The following CCNH variants were observed in gnomAD, a reference collection of about 807,000 sequenced individuals.
CCNH encodes the protein cyclin H, also known as cyclin-H.
In CCNH, 31 loss-of-function variants were observed where a neutral mutation model predicts 41.9. The observed-to-expected ratio is 0.74, with a 90% CI of 0.56 to 1.00. The LOEUF (loss-of-function observed/expected upper bound fraction) is 1.00, where lower values mean the gene tolerates loss of function less well. Ranked by LOEUF, CCNH falls within the 50% of genes least tolerant of loss-of-function variation. The probability of loss-of-function intolerance (pLI) is 0.00; values close to 1 mark genes in which losing one functional copy is unlikely to be tolerated. For missense variants in CCNH, 362 were observed against 388.4 expected (o/e 0.93, Z 0.57); for synonymous variants, 138 against 136.1 (o/e 1.01, Z -0.10).
chr5:87,385,261 T>C lies in CCNH; in HGVS notation c.*90+7509A>G, dbSNP rs148336847. The C allele has an allele frequency of 1.3e-4, 172 of 1,280,564 alleles. 2 individuals carry two copies. The African/African-American group carries it at 2.1e-3, about 16-fold the overall frequency. The allele number at this position is 1,280,564 out of a possible 1,614,324, so 79.3% of individuals were successfully genotyped here. A position where few individuals can be genotyped will look rare whatever the true frequency, so the allele number is the denominator to read the frequency against. ...TATAATGGTTTAGCTGGAAGTGCTG[T>C]TGGACTTGGTGTCATTAGCTGTGCC... On this transcript the variant is annotated intron_variant and NMD_transcript_variant, in intron 9 of 9. Transcript: ENST00000645953.
chr5:87,314,046 G>A (rs1756128046), downstream of CCNH, among the ~76,000 whole-genome samples: 1 of 152,200 alleles, frequency 6.6e-6, no homozygotes, highest in Admixed American at 6.5e-5. Flanking sequence ...GCACATGCCT[G>A]TAATCCCAGC....
Position 87,399,350 on chromosome 5 carries a change from G to C in CCNH, c.872+44C>G, listed in dbSNP as rs565098389. The C allele has an allele frequency of 7.0e-4, 950 of 1,361,732 alleles. 18 individuals are homozygous for C. The South Asian group carries it at 0.01, about 15-fold the overall frequency. The allele number at this position is 1,361,732 out of a possible 1,614,324, so 84.4% of individuals were successfully genotyped here. A position where few individuals can be genotyped will look rare whatever the true frequency, so the allele number is the denominator to read the frequency against. On this transcript the variant is annotated intron_variant, in intron 7 of 8. Coordinates refer to ENST00000256897, the MANE Select transcript of CCNH (RefSeq NM_001239.4). ...AATGATTTACGAACCAGCTGGACTG[G>C]ATAACAGTTATGTCTATTGATTAAC...
At chr5:87,365,012 A>G (rs987147736) in intron 9 of CCNH, among the ~76,000 whole-genome samples, 1 of 152,164 alleles carries the variant, frequency 6.6e-6, no homozygotes. Context: ...TCACTACTAA[A>G]TGTAGTTTAT....
intron 9 of CCNH, chr5:87,363,279 CTAATTT>C (rs1760253128): frequency 7.4e-7 from 1 of 1,345,980 alleles, no homozygotes; most frequent in African/African-American, 1.5e-5. Context: ...TTTAGAAACA[CTAATTT>C]TAATAATATG....
chr5:87,389,433 C>T (rs773025020), downstream of CCNH: 56 of 1,614,000 alleles, frequency 3.5e-5, no homozygotes, highest in African/African-American at 1.3e-4. Context: ...CATTCTAGAA[C>T]GGACCTGTCC....
intron 9 of CCNH, among the ~76,000 whole-genome samples, chr5:87,354,804 G>C (rs1396421441): frequency 6.6e-6 from 1 of 152,184 alleles, no homozygotes; most frequent in East Asian, 1.9e-4. Context: ...GAAATTGAAA[G>C]TGCTACTCCA....
At chr5:87,338,147 AT>A in intron 9 of CCNH, 1 of 1,605,758 alleles carries the variant, frequency 6.2e-7, no homozygotes, top group Non-Finnish European at 8.5e-7. Flanking sequence ...ATAAATTTGG[AT>A]CTTGTCCGTA....
At chr5:87,349,092 C>T in intron 9 of CCNH, 1 of 1,157,148 alleles carries the variant, frequency 8.6e-7, no homozygotes, top group Non-Finnish European at 1.2e-6. Flanking sequence ...AAAAAAAAAA[C>T]AAGTTCCTGG....
intron 4 of CCNH, among the ~76,000 whole-genome samples, chr5:87,407,208 A>C (rs1167988107): frequency 6.6e-6 from 1 of 152,068 alleles, no homozygotes; most frequent in African/African-American, 2.4e-5. Context: ...CTTACCCCTT[A>C]ATCTGTTATC....
At chr5:87,402,011 G>T (rs1763458672) in intron 5 of CCNH, among the ~76,000 whole-genome samples, 1 of 152,174 alleles carries the variant, frequency 6.6e-6, no homozygotes, top group Non-Finnish European at 1.5e-5. Context: ...AAAATAGTAT[G>T]AAAGCAACAG....
At chr5:87,319,642 G>T (rs1756629175) in intron 9 of CCNH, among the ~76,000 whole-genome samples, 1 of 152,198 alleles carries the variant, frequency 6.6e-6, no homozygotes, top group East Asian at 1.9e-4. Context: ...TAGCAGCAGG[G>T]CTCTGGGACT....
intron 9 of CCNH, among the ~76,000 whole-genome samples, chr5:87,364,052 T>G (rs1760320218): frequency 6.6e-6 from 1 of 152,262 alleles, no homozygotes; most frequent in Non-Finnish European, 1.5e-5. Flanking sequence ...ACATCTAGAT[T>G]TTTTTCTCAA....
the CCNH span, among the ~76,000 whole-genome samples, chr5:87,311,734 G>A: frequency 6.6e-6 from 1 of 152,320 alleles, no homozygotes; most frequent in East Asian, 1.9e-4. Flanking sequence ...AAGGTCTAAA[G>A]TGCCCACGTC....
chr5:87,377,492 A>G (rs1458817597), upstream of CCNH, among the ~76,000 whole-genome samples: 6 of 152,050 alleles, frequency 3.9e-5, no homozygotes, highest in East Asian at 1.2e-3. Flanking sequence ...CACCACACCC[A>G]GCTAATTTTT....
At chr5:87,371,944 T>C (rs1031613831), downstream of CCNH, among the ~76,000 whole-genome samples, 6 of 143,240 alleles carry the variant, frequency 4.2e-5, no homozygotes, top group Admixed American at 2.2e-4. Flanking sequence ...GTTATTGTTA[T>C]GTTATTGTTA....
In CCNH at chr5:87,376,887, C is replaced by T. The variant is rs777558391; in HGVS notation, n.294G>A. The T allele has an allele frequency of 6.2e-7, 1 of 1,603,690 alleles. No individual in the cohort carries two copies. The highest frequency in any genetic ancestry group is 8.5e-7 in the Non-Finnish European group (1 of 1,170,564). ...TTTTAAAATGTCATTTTAGCTTATA[C>T]TGCAAAAGGAACTTCATGTAGTCTA... On this transcript the variant is annotated non_coding_transcript_exon_variant, in exon 1 of 1. Coordinates refer to the CCNH transcript ENST00000607486.
At chr5:87,346,578 T>C in intron 9 of CCNH, 1 of 700,288 alleles carries the variant, frequency 1.4e-6, no homozygotes. Context: ...TTTATCACTT[T>C]GAATTAAACT....
At chr5:87,366,332 A>T (rs1156395534) in intron 9 of CCNH, 1 of 402,596 alleles carries the variant, frequency 2.5e-6, no homozygotes, top group Non-Finnish European at 5.1e-6. Flanking sequence ...CATTATTTTG[A>T]TATAGTTTAT....
At chr5:87,394,740 T>A (rs1487446759) in intron 8 of CCNH, 22 of 1,327,552 alleles carry the variant, frequency 1.7e-5, no homozygotes, top group Non-Finnish European at 2.1e-5. Flanking sequence ...GATAGAAAAT[T>A]TTTTTTAAAA....
Sources: allele counts gnomAD v4.1 joint callset (sites outside exome capture counted in the v4.1 genomes callset), GRCh38; gene constraint gnomAD v4.1.1; transcripts MANE v1.5; gene names NCBI Gene and HGNC (gene_info 2026-07-23, HGNC 2026-07-21).